The following TBC1D22A variants were observed in gnomAD, a reference collection of about 807,000 sequenced individuals.
TBC1D22A encodes TBC1 domain family member 22A, also known as putative GTPase activator.
TBC1D22A carries 38 observed loss-of-function variants against 60.2 expected under a neutral mutation model. That is an observed-to-expected ratio of 0.63 (90% CI 0.49 to 0.83). The LOEUF (loss-of-function observed/expected upper bound fraction) is 0.83, where lower values mean the gene tolerates loss of function less well. Among genes scored for constraint, TBC1D22A ranks in the 40% least tolerant of loss-of-function variants. The probability of loss-of-function intolerance (pLI) is 0.00; values close to 1 mark genes in which losing one functional copy is unlikely to be tolerated. For synonymous variants in TBC1D22A, 302 were observed against 281.7 expected (o/e 1.07, Z -0.72); for missense variants, 628 against 701.0 (o/e 0.90, Z 1.18).
intron 1 of TBC1D22A, among the ~76,000 whole-genome samples, chr22:46,780,240 A>G (rs950681563): frequency 1.3e-5 from 2 of 152,228 alleles, no homozygotes; most frequent in African/African-American, 4.8e-5. Context: ...TTAGCCATCA[A>G]ATGAATTTGA....
intron 4 of TBC1D22A, among the ~76,000 whole-genome samples, chr22:46,824,417 A>C (rs1261922734): frequency 6.6e-6 from 1 of 152,176 alleles, no homozygotes; most frequent in East Asian, 1.9e-4. Context: ...CTTGGTGTGC[A>C]TGTGGTCCTT....
At chr22:47,051,496 G>A (rs2063214589) in intron 11 of TBC1D22A, among the ~76,000 whole-genome samples, 1 of 152,290 alleles carries the variant, frequency 6.6e-6, no homozygotes, top group African/African-American at 2.4e-5. Flanking sequence ...GTGCGGCAGG[G>A]GTGGCTTCGG....
chr22:46,873,660 C>T (rs917416060), intron 4 of TBC1D22A, among the ~76,000 whole-genome samples: 2 of 152,182 alleles, frequency 1.3e-5, no homozygotes, highest in African/African-American at 4.8e-5. Flanking sequence ...CTGATCCTCT[C>T]CCTCATCCCA....
chr22:46,821,190 T>A (rs1363735238), intron 4 of TBC1D22A, among the ~76,000 whole-genome samples: 1 of 152,152 alleles, frequency 6.6e-6, no homozygotes, highest in Non-Finnish European at 1.5e-5. Context: ...CCTTATCCAG[T>A]TTGCCAGTCT....
At chr22:46,978,193 C>T (rs2074378761) in intron 9 of TBC1D22A, among the ~76,000 whole-genome samples, 1 of 152,204 alleles carries the variant, frequency 6.6e-6, no homozygotes, top group South Asian at 2.1e-4. Context: ...ACGGGCTCTG[C>T]CATTGACATG....
intron 11 of TBC1D22A, among the ~76,000 whole-genome samples, chr22:47,072,101 G>T (rs1158310946): frequency 6.6e-6 from 1 of 152,226 alleles, no homozygotes; most frequent in East Asian, 1.9e-4. Flanking sequence ...CTCCGAGTGT[G>T]CTCGGAAAGG....
intron 5 of TBC1D22A, among the ~76,000 whole-genome samples, chr22:46,883,812 G>A (rs2147532482): frequency 6.6e-6 from 1 of 152,302 alleles, no homozygotes. Flanking sequence ...TTCCGGCCTT[G>A]CCCCTAGCCA....
intron 12 of TBC1D22A, among the ~76,000 whole-genome samples, chr22:47,171,031 G>A (rs370889068): frequency 5.9e-5 from 9 of 152,314 alleles, no homozygotes; most frequent in East Asian, 5.8e-4. Flanking sequence ...CAGCCAGGAT[G>A]TGAGCCCAGG....
At chr22:47,056,147 C>A (rs1359204550) in intron 11 of TBC1D22A, among the ~76,000 whole-genome samples, 1 of 152,032 alleles carries the variant, frequency 6.6e-6, no homozygotes, top group African/African-American at 2.4e-5. Flanking sequence ...AAAAGTCTCT[C>A]AGGAAGAGTG....
At chr22:46,962,246 C>G (rs1392172900) in intron 8 of TBC1D22A, among the ~76,000 whole-genome samples, 1 of 152,184 alleles carries the variant, frequency 6.6e-6, no homozygotes, top group Non-Finnish European at 1.5e-5. Context: ...AAGAAACAGT[C>G]ACAACTGTGT....
At chr22:46,772,865 T>C (rs2083549182) in intron 1 of TBC1D22A, among the ~76,000 whole-genome samples, 1 of 152,194 alleles carries the variant, frequency 6.6e-6, no homozygotes, top group Non-Finnish European at 1.5e-5. Flanking sequence ...CCTGACCTCC[T>C]GATCCTCCTG....
chr22:46,873,554 CAGGTTTGTTACCT>C lies in TBC1D22A; in HGVS notation c.638-5094_638-5082del, dbSNP rs1033155973. Among the ~76,000 whole-genome samples the C allele has an allele frequency of 3.9e-5, 6 of 152,198 alleles. No homozygotes were observed. In the East Asian group the frequency reaches 7.7e-4, roughly 20 times the overall value. The stretch of plus-strand genomic sequence containing the variant: ...TTCAGGGATACATGTGCAGGATGTG[CAGGTTTGTTACCT>C]AGGTAAAATGTGTCATGGGGGTTTG... On this transcript the variant is annotated intron_variant, in intron 4 of 12. Transcript: ENST00000337137.
chr22:46,839,792 A>G (rs1475677300), intron 4 of TBC1D22A, among the ~76,000 whole-genome samples: 1 of 152,234 alleles, frequency 6.6e-6, no homozygotes. Flanking sequence ...AAATAAATCC[A>G]TGCATTTGTG....
intron 1 of TBC1D22A, among the ~76,000 whole-genome samples, chr22:46,764,608 T>C (rs2083222002): frequency 6.6e-6 from 1 of 152,158 alleles, no homozygotes; most frequent in South Asian, 2.1e-4. Flanking sequence ...CATTTGGAAA[T>C]AGGGTTTTTG....
intron 12 of TBC1D22A, among the ~76,000 whole-genome samples, chr22:47,166,022 C>T (rs2068196817): frequency 6.6e-6 from 1 of 152,250 alleles, no homozygotes; most frequent in Admixed American, 6.5e-5. Context: ...CTTTTAGCCC[C>T]ATCGTGATTA....
intron 4 of TBC1D22A, among the ~76,000 whole-genome samples, chr22:46,829,262 G>T (rs2086204454): frequency 1.3e-5 from 2 of 152,186 alleles, no homozygotes; most frequent in African/African-American, 2.4e-5. Flanking sequence ...CAGGGTAGGG[G>T]TGCATCTTAT....
chr22:46,974,346 A>G lies in TBC1D22A; in HGVS notation c.1072A>G (p.Asn358Asp). The G allele has an allele frequency of 6.2e-7, 1 of 1,611,284 alleles. No homozygotes were observed. Among genetic ancestry groups the G allele is most frequent in the Non-Finnish European group, 8.5e-7 (1 of 1,178,982 alleles). ...VSGVPAEVLCNIEADTYWCMS... is the reference protein window; with the variant it reads ...VSGVPAEVLCDIEADTYWCMS... ...CGGCGTGCCCGCAGAGGTGCTGTGC[A>G]ACATCGAGGCCGACACCTACTGGTG... Residue 358 changes from asparagine (N) to aspartate (D), a missense_variant, in exon 9 of 13, where the codon AAC (asparagine) becomes GAC (aspartate). By Grantham distance (23) the Asn-to-Asp change is conservative. Transcript: ENST00000337137.
At chr22:47,123,529 G>A (rs1422751136) in intron 12 of TBC1D22A, among the ~76,000 whole-genome samples, 1 of 152,184 alleles carries the variant, frequency 6.6e-6, no homozygotes, top group Non-Finnish European at 1.5e-5. Context: ...TAGTGAGTCC[G>A]TCAGGCCTCA....
chr22:46,982,049 G>A (rs1428601590), intron 9 of TBC1D22A, among the ~76,000 whole-genome samples: 1 of 152,150 alleles, frequency 6.6e-6, no homozygotes, highest in East Asian at 1.9e-4. Context: ...TCCATGGTGT[G>A]GGATCACTCA....
Sources: gnomAD v4.1 joint callset for allele counts (sites outside exome capture counted in the v4.1 genomes callset) on GRCh38, gnomAD v4.1.1 for gene constraint, MANE v1.5 for transcripts, NCBI Gene and HGNC (gene_info 2026-07-23, HGNC 2026-07-21) for gene names.